Variants in RAB3C observed in about 807,000 individuals in gnomAD.
RAB3C encodes the protein ras-related protein Rab-3C.
A neutral mutation model predicts 26.4 loss-of-function variants in RAB3C; 17 were observed. The ratio of observed to expected loss-of-function variants is 0.64; its 90% confidence interval spans 0.44 to 0.97. RAB3C has a LOEUF of 0.97. RAB3C is among the 50% of genes least tolerant of loss of function. The pLI is 0.00. For synonymous variants in RAB3C, 91 were observed against 95.9 expected, an observed-to-expected ratio of 0.95 and a Z score of 0.30; for missense variants, 242 against 281.9, an observed-to-expected ratio of 0.86 and a Z score of 1.01.
rs764595533 is a variant in RAB3C, at chr5:58,858,649, G to A, written c.*7298G>A. On this transcript the variant is annotated 3_prime_UTR_variant, in exon 5 of 5. Transcript: ENST00000282878. ...GAGATTGTGCCAGGAAAATAAGTGG[G>A]AAAGGCCACAGTTATGTTTCCTTTG... 5 of 152,148 alleles carry A rather than the reference G, an allele frequency of 3.3e-5. No homozygotes were observed. Among genetic ancestry groups the A allele is most frequent in the Admixed American group, 6.6e-5 (1 of 15,254 alleles). 9.4% of individuals were successfully genotyped at this position (152,148 alleles called of 1,614,324 possible). A position where few individuals can be genotyped will look rare whatever the true frequency, so the allele number is the denominator to read the frequency against.
chr5:58,582,334 T>G, upstream of RAB3C: 1 of 938,370 alleles, frequency 1.1e-6, no homozygotes, highest in African/African-American at 1.8e-5. Context: ...CCCCGCTTCC[T>G]ACGTAGAGCC....
intron 1 of RAB3C, among the ~76,000 whole-genome samples, chr5:58,583,970 T>C (rs1745961073): frequency 1.3e-5 from 2 of 152,242 alleles, no homozygotes; most frequent in African/African-American, 2.4e-5. Flanking sequence ...AGCATCTTGC[T>C]TAAGTTTTGT....
intron 2 of RAB3C, among the ~76,000 whole-genome samples, chr5:58,697,927 G>T (rs943187938): frequency 5.9e-5 from 9 of 152,112 alleles, no homozygotes; most frequent in African/African-American, 2.4e-5. Flanking sequence ...TACATTTAAG[G>T]TTAATATTGT....
intron 3 of RAB3C, among the ~76,000 whole-genome samples, chr5:58,766,656 T>A (rs1741913040): frequency 6.6e-6 from 1 of 152,150 alleles, no homozygotes; most frequent in South Asian, 2.1e-4. Context: ...ACCATGACTA[T>A]GTTAGTGAAG....
chr5:58,662,944 A>G (rs774701183), intron 2 of RAB3C, among the ~76,000 whole-genome samples: 6 of 150,428 alleles, frequency 4.0e-5, no homozygotes, highest in African/African-American at 7.5e-5. Flanking sequence ...TTTTAACACA[A>G]TGAAGGCTAT....
chr5:58,668,938 C>T (rs1253773151), intron 2 of RAB3C, among the ~76,000 whole-genome samples: 1 of 152,124 alleles, frequency 6.6e-6, no homozygotes, highest in Non-Finnish European at 1.5e-5. Context: ...CCAGCTGATT[C>T]AGTTCCTGGA....
At chr5:58,800,595 C>T (rs745634150) in intron 3 of RAB3C, among the ~76,000 whole-genome samples, 4 of 152,080 alleles carry the variant, frequency 2.6e-5, no homozygotes, top group Non-Finnish European at 4.4e-5. Context: ...GCCTGTGGCG[C>T]GCGCATCAGG....
chr5:58,723,069 A>G (rs940233706), intron 2 of RAB3C, among the ~76,000 whole-genome samples: 5 of 151,928 alleles, frequency 3.3e-5, no homozygotes, highest in African/African-American at 7.2e-5. Flanking sequence ...CGTTTTACAT[A>G]TTAAATATAT....
In RAB3C at chr5:58,587,928, G is replaced by A. The variant is rs182121229; in HGVS notation, c.24+4696G>A. 2.0e-5 allele frequency among the ~76,000 whole-genome samples: 3 copies of A among 152,250 alleles called. No homozygotes were observed. The East Asian group carries it at 5.8e-4, about 29-fold the overall frequency. On this transcript the variant is annotated intron_variant, in intron 1 of 4. Transcript: ENST00000282878. ...TTCATATAGTTCTGTAGAACATGCA[G>A]TATGAACATACTGTGGAACAAAAAA...
At chr5:58,698,525 A>C (rs1461644611) in intron 2 of RAB3C, among the ~76,000 whole-genome samples, 2 of 152,200 alleles carry the variant, frequency 1.3e-5, no homozygotes, top group Non-Finnish European at 2.9e-5. Context: ...TGTGTTTTCC[A>C]ACTTGGTTCC....
rs192690381 is a variant in RAB3C at position 58,662,441 on chromosome 5, T to G, written c.252+44571T>G. 3.9e-3 allele frequency among the ~76,000 whole-genome samples: 593 copies of G among 150,320 alleles called. 8 individuals are homozygous for G. Among genetic ancestry groups the G allele is most frequent in the Non-Finnish European group, 6.2e-3 (421 of 68,010 alleles). On this transcript the variant is annotated intron_variant, in intron 2 of 4. Coordinates refer to ENST00000282878, the MANE Select transcript of RAB3C (RefSeq NM_138453.4). ...AAGGAGGGGTTGAAGGAAAAAATCATAGTCATATAAATTATATTATTTATA... is the reference window on the plus strand; with the variant it reads ...AAGGAGGGGTTGAAGGAAAAAATCAGAGTCATATAAATTATATTATTTATA...
chr5:58,663,337 T>C (rs886461696), intron 2 of RAB3C, among the ~76,000 whole-genome samples: 1 of 150,204 alleles, frequency 6.7e-6, no homozygotes, highest in Non-Finnish European at 1.5e-5. Flanking sequence ...CAAATGTGTA[T>C]TATAAAATTC....
At chr5:58,724,336 CTAA>C (rs2111917307) in intron 2 of RAB3C, among the ~76,000 whole-genome samples, 1 of 151,860 alleles carries the variant, frequency 6.6e-6, no homozygotes, top group South Asian at 2.1e-4. Context: ...CCTCGGCTAT[CTAA>C]TGGGAGAGAA....
At chr5:58,611,680 TTGTC>T (rs1746704274) in intron 1 of RAB3C, among the ~76,000 whole-genome samples, 1 of 152,264 alleles carries the variant, frequency 6.6e-6, no homozygotes, top group Non-Finnish European at 1.5e-5. Flanking sequence ...ATTCTGTAGG[TTGTC>T]TGTTCACTCT....
At chr5:58,596,919 A>G (rs1253667836) in intron 1 of RAB3C, among the ~76,000 whole-genome samples, 8 of 96,364 alleles carry the variant, frequency 8.3e-5, no homozygotes, top group Non-Finnish European at 1.2e-4. Context: ...TATATAATAC[A>G]TAATATATTA....
chr5:58,762,372 C>T (rs1183714456), intron 3 of RAB3C, among the ~76,000 whole-genome samples: 1 of 152,094 alleles, frequency 6.6e-6, no homozygotes, highest in Non-Finnish European at 1.5e-5. Flanking sequence ...GCAGGATTTT[C>T]TTTTCTTCCT....
At chr5:58,816,857 C>G (rs1209305859) in intron 3 of RAB3C, among the ~76,000 whole-genome samples, 1 of 152,046 alleles carries the variant, frequency 6.6e-6, no homozygotes, top group Non-Finnish European at 1.5e-5. Context: ...AAGCCAAGGC[C>G]CTATGAAGGG....
At chr5:58,614,813 C>G (rs867225533) in intron 1 of RAB3C, among the ~76,000 whole-genome samples, 1 of 152,038 alleles carries the variant, frequency 6.6e-6, no homozygotes. Flanking sequence ...GAACTAATTG[C>G]AGATATAAAA....
intron 2 of RAB3C, 136 bp from the exon 3 acceptor site, chr5:58,725,866 G>A (rs1346915465): frequency 6.0e-6 from 3 of 496,648 alleles, no homozygotes; most frequent in South Asian, 5.1e-5. Flanking sequence ...GGGGAAACAA[G>A]ACCAAAAAAG....
Sources: allele counts gnomAD v4.1 joint callset (sites outside exome capture counted in the v4.1 genomes callset), GRCh38; gene constraint gnomAD v4.1.1; transcripts MANE v1.5; gene names NCBI Gene and HGNC (gene_info 2026-07-23, HGNC 2026-07-21).